Variants in UBE2K observed in about 807,000 individuals in gnomAD.
The protein encoded by UBE2K is ubiquitin conjugating enzyme E2 K, also known as ubiquitin-conjugating enzyme E2 K.
A neutral mutation model predicts 30.0 loss-of-function variants in UBE2K; 6 were observed. That is an observed-to-expected ratio of 0.20 (90% CI 0.11 to 0.39). The LOEUF is 0.39. Ranked by LOEUF, UBE2K falls within the 10% of genes least tolerant of loss-of-function variation. The probability of loss-of-function intolerance (pLI) is 1.00; values close to 1 mark genes in which losing one functional copy is unlikely to be tolerated. For missense variants in UBE2K, 61 were observed against 241.6 expected (o/e 0.25, Z 4.96); for synonymous variants, 86 against 83.7 (o/e 1.03, Z -0.15).
chr4:39,705,339 AG>A (rs997241902), intron 1 of UBE2K, among the ~76,000 whole-genome samples: 54 of 150,124 alleles, frequency 3.6e-4, no homozygotes, highest in African/African-American at 1.3e-3. Flanking sequence ...CTGGTATTAC[AG>A]GCGCACCCCA....
intron 2 of UBE2K, among the ~76,000 whole-genome samples, chr4:39,738,084 G>T (rs1432512686): frequency 1.2e-4 from 18 of 152,124 alleles, no homozygotes; most frequent in Admixed American, 1.2e-3. Context: ...ATGGAATCGG[G>T]TGGTAAGATA....
intron 3 of UBE2K, among the ~76,000 whole-genome samples, chr4:39,751,226 A>C (rs979006539): frequency 1.3e-5 from 2 of 152,060 alleles, no homozygotes; most frequent in Non-Finnish European, 2.9e-5. Flanking sequence ...TATAGACATG[A>C]GCCACCATTC....
At chr4:39,723,701 G>A (rs1380814814) in intron 1 of UBE2K, among the ~76,000 whole-genome samples, 1 of 152,090 alleles carries the variant, frequency 6.6e-6, no homozygotes, top group East Asian at 1.9e-4. Context: ...AAATTAGAGG[G>A]AAAACTCAGA....
rs1459919767 is a variant in UBE2K at position 39,779,390 on chromosome 4, C to T, written c.*956C>T. ...TGGCAAGGATGCAGTCAGCTGTTTG[C>T]AGTTTTTAGCCTGATTTTGGGGTCT... is the stretch of plus-strand genomic sequence containing the variant. On this transcript the variant is annotated 3_prime_UTR_variant, in exon 7 of 7. Coordinates refer to ENST00000261427, the MANE Select transcript of UBE2K (RefSeq NM_005339.5). 6.6e-6 allele frequency: 1 copy of T among 152,488 alleles called. No homozygotes were observed. The highest frequency in any genetic ancestry group is 1.5e-5 in the Non-Finnish European group (1 of 68,012). 9.4% of individuals were successfully genotyped at this position (152,488 alleles called of 1,614,324 possible).
intron 2 of UBE2K, among the ~76,000 whole-genome samples, chr4:39,745,195 T>C (rs1720929009): frequency 6.6e-6 from 1 of 152,182 alleles, no homozygotes; most frequent in Admixed American, 6.5e-5. Context: ...CAAAAGTAAT[T>C]GCAGTTTAAT....
At chr4:39,704,070 G>T (rs1476832227) in intron 1 of UBE2K, among the ~76,000 whole-genome samples, 1 of 151,428 alleles carries the variant, frequency 6.6e-6, no homozygotes, top group African/African-American at 2.4e-5. Flanking sequence ...TACCAAAAAT[G>T]AATGTAACGA....
At chr4:39,723,875 C>T (rs1324173482) in intron 1 of UBE2K, among the ~76,000 whole-genome samples, 1 of 152,096 alleles carries the variant, frequency 6.6e-6, no homozygotes, top group Non-Finnish European at 1.5e-5. Flanking sequence ...TGCAATGGCA[C>T]AATCGCGGCT....
chr4:39,755,581 A>G lies in UBE2K; in HGVS notation c.217-76A>G, dbSNP rs1259206184. 10 of 1,127,746 alleles carry G rather than the reference A, an allele frequency of 8.9e-6. No individual in the cohort carries two copies. The East Asian group carries it at 2.4e-4, about 27-fold the overall frequency. 69.9% of individuals were successfully genotyped at this position (1,127,746 alleles called of 1,614,324 possible). On this transcript the variant is annotated intron_variant, in intron 3 of 6. Transcript: ENST00000261427. Reference sequence around the variant, plus strand: ...GGACCTTTCTTTTTTTAGTTTGAAGATTTCATTTTCTTGTAGTTCTACTTA... The same window carrying G: ...GGACCTTTCTTTTTTTAGTTTGAAGGTTTCATTTTCTTGTAGTTCTACTTA...
intron 1 of UBE2K, among the ~76,000 whole-genome samples, chr4:39,724,626 G>A (rs1241372737): frequency 1.1e-4 from 16 of 150,384 alleles, no homozygotes. Context: ...AAATTAGCTA[G>A]GCATGGTAAG....
chr4:39,742,120 T>C (rs1720733495), intron 2 of UBE2K, among the ~76,000 whole-genome samples: 1 of 152,130 alleles, frequency 6.6e-6, no homozygotes, highest in Non-Finnish European at 1.5e-5. Flanking sequence ...AGAGATTATT[T>C]TGGCCATTAA....
chr4:39,699,953 G>A (rs761765681), intron 1 of UBE2K, among the ~76,000 whole-genome samples: 3 of 152,086 alleles, frequency 2.0e-5, no homozygotes, highest in Non-Finnish European at 4.4e-5. Flanking sequence ...CAATGAAACA[G>A]CAATTTTAAC....
chr4:39,755,008 C>T (rs1721456017), intron 3 of UBE2K, among the ~76,000 whole-genome samples: 1 of 152,102 alleles, frequency 6.6e-6, no homozygotes, highest in Non-Finnish European at 1.5e-5. Flanking sequence ...GTTATTCTTC[C>T]ATAATGAGAC....
At chr4:39,714,315 G>A in intron 1 of UBE2K, 1 of 200,758 alleles carries the variant, frequency 5.0e-6, no homozygotes. Context: ...AGTTTCTCTT[G>A]CCCACAATTT....
At position 39,781,968 on chromosome 4, in the gene UBE2K, T is replaced by C. The variant is rs906313953; in HGVS notation, c.*3534T>C. 5.0e-6 allele frequency: 2 copies of C among 398,360 alleles called. No individual in the cohort carries two copies. Among genetic ancestry groups the C allele is most frequent in the African/African-American group, 4.1e-5 (2 of 48,646 alleles). 24.7% of individuals were successfully genotyped at this position (398,360 alleles called of 1,614,324 possible). A position where few individuals can be genotyped will look rare whatever the true frequency, so the allele number is the denominator to read the frequency against. ...ATAGCCTTTATTCCCAAGTGTGACT[T>C]TTCTTCAGTGTCTACATATTATGTC... On this transcript the variant is annotated 3_prime_UTR_variant, in exon 7 of 7. Transcript: ENST00000261427.
chr4:39,701,194 A>G (rs1226430923), intron 1 of UBE2K, among the ~76,000 whole-genome samples: 1 of 152,138 alleles, frequency 6.6e-6, no homozygotes, highest in East Asian at 1.9e-4. Context: ...TTTAAATATG[A>G]GTGTGAATTT....
At chr4:39,738,162 A>G (rs1720478660) in intron 2 of UBE2K, among the ~76,000 whole-genome samples, 1 of 152,206 alleles carries the variant, frequency 6.6e-6, no homozygotes, top group Admixed American at 6.5e-5. Context: ...ATTACTGTAA[A>G]TTTAGATTAT....
intron 1 of UBE2K, among the ~76,000 whole-genome samples, chr4:39,734,636 C>T (rs1391625485): frequency 6.6e-6 from 1 of 151,992 alleles, no homozygotes; most frequent in Non-Finnish European, 1.5e-5. Flanking sequence ...CATGGCAAAA[C>T]CCCCTCTCTA....
intron 3 of UBE2K, among the ~76,000 whole-genome samples, chr4:39,749,735 A>G (rs1234951152): frequency 6.6e-6 from 1 of 152,148 alleles, no homozygotes; most frequent in Admixed American, 6.5e-5. Flanking sequence ...TGTTATCATC[A>G]TACTTTTTAC....
chr4:39,706,670 G>C (rs1010274683), intron 1 of UBE2K, among the ~76,000 whole-genome samples: 1 of 149,752 alleles, frequency 6.7e-6, no homozygotes, highest in African/African-American at 2.5e-5. Context: ...AGGGTTTTAT[G>C]ATGTTGGCCA....
Sources: allele counts gnomAD v4.1 joint callset (sites outside exome capture counted in the v4.1 genomes callset), GRCh38; gene constraint gnomAD v4.1.1; transcripts MANE v1.5; gene names NCBI Gene and HGNC (gene_info 2026-07-23, HGNC 2026-07-21).